ARFGEF1: variants seen among roughly 807,000 people sequenced by gnomAD.
The protein encoded by ARFGEF1 is brefeldin A-inhibited guanine nucleotide-exchange protein 1.
A neutral mutation model predicts 231.0 loss-of-function variants in ARFGEF1; 42 were observed. The observed-to-expected ratio is 0.18, with a 90% confidence interval of 0.14 to 0.24. ARFGEF1 has a LOEUF of 0.24. Ranked by LOEUF, ARFGEF1 falls within the 10% of genes least tolerant of loss-of-function variation. The pLI, the probability that ARFGEF1 is intolerant of heterozygous loss-of-function variation, is 1.00. For synonymous variants in ARFGEF1, 710 were observed against 732.3 expected (o/e 0.97, Z 0.49); for missense variants, 1,345 against 2,192.0 (o/e 0.61, Z 7.72).
At chr8:67,188,892 G>A (rs1164706448) in intron 5 of ARFGEF1, among the ~76,000 whole-genome samples, 1 of 152,170 alleles carries the variant, frequency 6.6e-6, no homozygotes, top group Non-Finnish European at 1.5e-5. Context: ...TTCTAATAGA[G>A]CTTTAACATT....
At chr8:67,215,301 T>C (rs1838888188) in intron 33 of ARFGEF1, among the ~76,000 whole-genome samples, 2 of 152,100 alleles carry the variant, frequency 1.3e-5, no homozygotes, top group Non-Finnish European at 2.9e-5. Flanking sequence ...GTTTAGACTT[T>C]TGGGGACCTT....
At chr8:67,319,212 T>C (rs1269309396) in intron 1 of ARFGEF1, among the ~76,000 whole-genome samples, 1 of 152,192 alleles carries the variant, frequency 6.6e-6, no homozygotes, top group African/African-American at 2.4e-5. Flanking sequence ...TTTCTGCACA[T>C]AAACAGATTC....
chr8:67,211,701 T>C lies in ARFGEF1; in HGVS notation c.4687-86A>G, dbSNP rs113152727. 5 of 754,994 alleles carry C rather than the reference T, an allele frequency of 6.6e-6. No individual in the cohort carries two copies. The African/African-American group carries it at 7.3e-5, about 11-fold the overall frequency. The allele number at this position is 754,994 out of a possible 1,614,324, so 46.8% of individuals were successfully genotyped here. A position where few individuals can be genotyped will look rare whatever the true frequency, so the allele number is the denominator to read the frequency against. On this transcript the variant is annotated intron_variant, in intron 33 of 38. Coordinates refer to ENST00000262215, the MANE Select transcript of ARFGEF1 (RefSeq NM_006421.5). ...TTTCTAAAACGCTATTTTAAAAAAT[T>C]ATATTATGTCCCTATGAAAATGATG...
intron 16 of ARFGEF1, 107 bp downstream of exon 16, chr8:67,257,978 T>C: frequency 8.3e-7 from 1 of 1,209,118 alleles, no homozygotes; most frequent in Admixed American, 2.3e-5. Context: ...ACAATCTAAA[T>C]TCTCTAAACA....
chr8:67,263,289 ATTTGGGC>A (rs750140538), intron 14 of ARFGEF1, among the ~76,000 whole-genome samples: 2 of 152,074 alleles, frequency 1.3e-5, no homozygotes, highest in Non-Finnish European at 2.9e-5. Context: ...AACACCTGTC[ATTTGGGC>A]TATTGCAAGA....
intron 29 of ARFGEF1, among the ~76,000 whole-genome samples, chr8:67,223,535 T>C (rs1839273024): frequency 1.3e-5 from 2 of 152,176 alleles, no homozygotes; most frequent in South Asian, 4.1e-4. Flanking sequence ...TATCCTGGGA[T>C]GAGGTAGGAA....
Position 67,259,905 on chromosome 8 carries a change from T to C in ARFGEF1, c.2145A>G (p.Arg715=). Residue 715 remains arginine, a synonymous_variant, in exon 15 of 39, where the codon AGA becomes AGG. Coordinates refer to ENST00000262215, the MANE Select transcript of ARFGEF1 (RefSeq NM_006421.5). ...GIDLFNKKPK[R]GIQYLQEQGM... is the part of the protein sequence containing the mutation. ...CTTGTTCTTGGAGGTACTGTATTCC[T>C]CTCTTTGGTTTCTTATTAAATCTAG... 1 of 1,608,204 alleles carries C rather than the reference T, an allele frequency of 6.2e-7. No individual in the cohort carries two copies. The highest frequency in any genetic ancestry group is 8.5e-7 in the Non-Finnish European group (1 of 1,177,052).
intron 1 of ARFGEF1, among the ~76,000 whole-genome samples, chr8:67,311,547 C>G (rs1442699057): frequency 6.8e-6 from 1 of 146,854 alleles, no homozygotes; most frequent in Non-Finnish European, 1.5e-5. Context: ...GCCAGCCGCC[C>G]AGTCTGGGAG....
At chr8:67,326,549 A>G (rs2128930400) in intron 1 of ARFGEF1, among the ~76,000 whole-genome samples, 2 of 152,350 alleles carry the variant, frequency 1.3e-5, no homozygotes, top group South Asian at 4.1e-4. Context: ...GATGAAGCTA[A>G]GGCTTGTGTT....
rs567585733 is a variant in ARFGEF1, at chr8:67,307,601, G to A, written c.125-5135C>T. Among the ~76,000 whole-genome samples, 4 of 152,338 alleles carry A rather than the reference G, an allele frequency of 2.6e-5. No homozygotes were observed. The South Asian group carries it at 8.3e-4, about 32-fold the overall frequency. On this transcript the variant is annotated intron_variant, in intron 1 of 38. Transcript: ENST00000262215. ...CATTTTCTCAATGTGCAGGGGTAGA[G>A]CTGGAGGGGTAGGAGTGAAGAAGAG...
At chr8:67,267,262 T>A (rs1234975974) in intron 11 of ARFGEF1, 32 bp from the exon 12 acceptor site, 2 of 1,606,890 alleles carry the variant, frequency 1.2e-6, no homozygotes, top group South Asian at 2.2e-5. Flanking sequence ...TTCAACAAAG[T>A]ACATCTAGGA....
At chr8:67,240,488 C>T (rs182807930) in intron 19 of ARFGEF1, among the ~76,000 whole-genome samples, 198 bp from the exon 20 acceptor site, 1 of 152,086 alleles carries the variant, frequency 6.6e-6, no homozygotes, top group East Asian at 1.9e-4. Flanking sequence ...ATAATACATT[C>T]AATAGAGGAC....
At chr8:67,329,054 C>T (rs1474298990) in intron 1 of ARFGEF1, among the ~76,000 whole-genome samples, 6 of 151,956 alleles carry the variant, frequency 3.9e-5, no homozygotes, top group South Asian at 4.1e-4. Context: ...GGTGAAACCC[C>T]GTCTCTACTA....
chr8:67,182,563 A>G (rs1833322182), intron 5 of ARFGEF1, among the ~76,000 whole-genome samples: 1 of 152,218 alleles, frequency 6.6e-6, no homozygotes, highest in African/African-American at 2.4e-5. Flanking sequence ...GACTCACCAC[A>G]TTGTTTTCCA....
At chr8:67,175,470 C>A, downstream of ARFGEF1, 1 of 1,612,702 alleles carries the variant, frequency 6.2e-7, no homozygotes, top group Non-Finnish European at 8.5e-7. Context: ...CAAATAGTAT[C>A]AGCACGCTGT....
At chr8:67,226,298 G>T in intron 27 of ARFGEF1, 115 bp from the exon 28 acceptor site, 2 of 958,442 alleles carry the variant, frequency 2.1e-6, no homozygotes, top group Non-Finnish European at 3.0e-6. Flanking sequence ...TACAGGTTCT[G>T]ACATCCAACA....
chr8:67,195,527 G>A (rs750186693), downstream of ARFGEF1: 1 of 1,614,086 alleles, frequency 6.2e-7, no homozygotes, highest in Non-Finnish European at 8.5e-7. Flanking sequence ...TGAACCAGGA[G>A]CAGCAGCAGA....
At chr8:67,330,073 TA>T (rs1808029639) in intron 1 of ARFGEF1, among the ~76,000 whole-genome samples, 1 of 152,100 alleles carries the variant, frequency 6.6e-6, no homozygotes, top group African/African-American at 2.4e-5. Context: ...TTCTTAAAGA[TA>T]TTTTTCATTC....
intron 5 of ARFGEF1, among the ~76,000 whole-genome samples, chr8:67,178,218 G>A (rs941369992): frequency 1.3e-5 from 2 of 152,158 alleles, no homozygotes; most frequent in Admixed American, 1.3e-4. Flanking sequence ...TCATTACCAT[G>A]AGCAGTAGTG....
Sources: gnomAD v4.1 joint callset for allele counts (sites outside exome capture counted in the v4.1 genomes callset) on GRCh38, gnomAD v4.1.1 for gene constraint, MANE v1.5 for transcripts, NCBI Gene and HGNC (gene_info 2026-07-23, HGNC 2026-07-21) for gene names.